Variants in RASGRF2 observed in about 807,000 individuals in gnomAD.
The protein encoded by RASGRF2 is Ras protein specific guanine nucleotide releasing factor 2.
RASGRF2 carries 76 observed loss-of-function variants against 151.0 expected under a neutral mutation model. That is an observed-to-expected ratio of 0.50 (90% CI 0.42 to 0.61). The LOEUF (loss-of-function observed/expected upper bound fraction) is 0.61, where lower values mean the gene tolerates loss of function less well. Among genes scored for constraint, RASGRF2 ranks in the 20% least tolerant of loss-of-function variants. The pLI, the probability that RASGRF2 is intolerant of heterozygous loss-of-function variation, is 0.00. For synonymous variants in RASGRF2, 504 were observed against 566.5 expected (o/e 0.89, Z 1.57); for missense variants, 1,148 against 1,564.6 (o/e 0.73, Z 4.49).
intron 15 of RASGRF2, among the ~76,000 whole-genome samples, chr5:81,117,135 A>C (rs1207539495): frequency 1.3e-5 from 2 of 152,248 alleles, no homozygotes; most frequent in East Asian, 3.8e-4. Context: ...TTATCATGAA[A>C]GCTGCTTGAG....
chr5:81,044,778 G>A (rs1481860381), intron 2 of RASGRF2, among the ~76,000 whole-genome samples: 1 of 152,046 alleles, frequency 6.6e-6, no homozygotes, highest in Non-Finnish European at 1.5e-5. Flanking sequence ...AGAACCTTTA[G>A]CTAATGTTCA....
At chr5:81,113,416 TC>T in intron 14 of RASGRF2, 121 bp from the exon 15 acceptor site, 1 of 1,185,218 alleles carries the variant, frequency 8.4e-7, no homozygotes, top group Non-Finnish European at 1.2e-6. Flanking sequence ...TTAACGGAAG[TC>T]CAGCAATAGA....
chr5:81,137,797 C>T (rs1218882406), intron 17 of RASGRF2, among the ~76,000 whole-genome samples: 1 of 152,192 alleles, frequency 6.6e-6, no homozygotes, highest in Non-Finnish European at 1.5e-5. Flanking sequence ...TATTTAGCAC[C>T]AATTCTGTGG....
intron 17 of RASGRF2, among the ~76,000 whole-genome samples, chr5:81,155,718 G>A (rs75197510): frequency 0.013 from 1,950 of 152,226 alleles, 48 homozygotes; most frequent in African/African-American, 0.044. Context: ...AGGGTGACTG[G>A]TCTAAAGCAT....
At chr5:81,115,864 G>C (rs1441141316) in intron 15 of RASGRF2, among the ~76,000 whole-genome samples, 1 of 152,062 alleles carries the variant, frequency 6.6e-6, no homozygotes, top group African/African-American at 2.4e-5. Context: ...ATAACTATAT[G>C]GGCAAGTGGT....
intron 12 of RASGRF2, among the ~76,000 whole-genome samples, chr5:81,100,053 A>G (rs369050863): frequency 4.4e-4 from 66 of 151,694 alleles, no homozygotes; most frequent in Non-Finnish European, 5.9e-4. Flanking sequence ...CACTACAGGC[A>G]CCCACCAGCA....
At chr5:81,124,319 T>C (rs2112567078) in intron 16 of RASGRF2, among the ~76,000 whole-genome samples, 2 of 152,332 alleles carry the variant, frequency 1.3e-5, no homozygotes, top group Middle Eastern at 6.8e-3. Flanking sequence ...GTCATTAGTC[T>C]AACCAACATT....
At chr5:81,139,730 A>G (rs913375496) in intron 17 of RASGRF2, among the ~76,000 whole-genome samples, 1 of 152,130 alleles carries the variant, frequency 6.6e-6, no homozygotes, top group Non-Finnish European at 1.5e-5. Flanking sequence ...ACAGTAATAA[A>G]TATAATGATA....
At chr5:81,138,633 G>A (rs985535467) in intron 17 of RASGRF2, among the ~76,000 whole-genome samples, 4 of 152,094 alleles carry the variant, frequency 2.6e-5, no homozygotes, top group African/African-American at 4.8e-5. Context: ...TCTCAAGAGC[G>A]TCTCACTGTC....
At chr5:81,066,885 G>A (rs539178883) in intron 2 of RASGRF2, among the ~76,000 whole-genome samples, 3 of 152,334 alleles carry the variant, frequency 2.0e-5, no homozygotes, top group East Asian at 3.9e-4. Flanking sequence ...AACATGGCTT[G>A]CCATGGCCCA....
At chr5:80,972,493 C>T (rs701393) in intron 1 of RASGRF2, among the ~76,000 whole-genome samples, 105,723 of 151,552 alleles carry the variant, frequency 0.7, 37,271 homozygotes, top group African/African-American at 0.8. Flanking sequence ...CTGTTTTTTT[C>T]TTCTGAGCCA....
chr5:81,084,937 A>G (rs1460079787), intron 7 of RASGRF2, among the ~76,000 whole-genome samples: 3 of 152,214 alleles, frequency 2.0e-5, no homozygotes, highest in East Asian at 1.9e-4. Context: ...AGTTTGGGCA[A>G]GTTACCAAAC....
intron 12 of RASGRF2, among the ~76,000 whole-genome samples, chr5:81,097,677 G>A (rs1047097718): frequency 1.6e-4 from 25 of 152,298 alleles, no homozygotes; most frequent in Admixed American, 1.2e-3. Context: ...GTGATGCCAT[G>A]TGAGAGGGAA....
At chr5:81,217,221 C>T in intron 24 of RASGRF2, 135 bp from the exon 25 acceptor site, 1 of 1,309,412 alleles carries the variant, frequency 7.6e-7, no homozygotes, top group Non-Finnish European at 1.0e-6. Flanking sequence ...TATGAATATG[C>T]TTCTGAAACT....
chr5:81,214,274 C>T (rs977789665), intron 23 of RASGRF2, among the ~76,000 whole-genome samples: 1 of 152,164 alleles, frequency 6.6e-6, no homozygotes, highest in African/African-American at 2.4e-5. Context: ...GCATTTCAGT[C>T]ACATTATAGG....
intron 2 of RASGRF2, among the ~76,000 whole-genome samples, chr5:81,048,395 A>T (rs1307947786): frequency 6.6e-6 from 1 of 152,194 alleles, no homozygotes; most frequent in Non-Finnish European, 1.5e-5. Context: ...TGCAACATGA[A>T]AGAGAAGGGA....
intron 1 of RASGRF2, among the ~76,000 whole-genome samples, chr5:81,026,702 T>G (rs1010217694): frequency 6.6e-6 from 1 of 152,098 alleles, no homozygotes; most frequent in East Asian, 1.9e-4. Context: ...AACTAAAAAT[T>G]ATGACTAATG....
At chr5:80,978,704 G>A (rs1189584499) in intron 1 of RASGRF2, among the ~76,000 whole-genome samples, 5 of 151,906 alleles carry the variant, frequency 3.3e-5, no homozygotes, top group Non-Finnish European at 5.9e-5. Flanking sequence ...GGAGAATCAC[G>A]TGAACCCAGG....
chr5:81,064,835 C>T (rs561019450), intron 2 of RASGRF2, among the ~76,000 whole-genome samples: 4 of 152,204 alleles, frequency 2.6e-5, no homozygotes, highest in African/African-American at 9.6e-5. Flanking sequence ...GGGATAGTGA[C>T]GTCCTTGATT....
Sources: allele counts gnomAD v4.1 joint callset (sites outside exome capture counted in the v4.1 genomes callset), GRCh38; gene constraint gnomAD v4.1.1; transcripts MANE v1.5; gene names NCBI Gene and HGNC (gene_info 2026-07-23, HGNC 2026-07-21).